Variants in GALNT13 observed in about 807,000 individuals in gnomAD.
GALNT13 encodes the protein polypeptide N-acetylgalactosaminyltransferase 13.
Under a neutral mutation model 64.2 loss-of-function variants are expected in GALNT13, and 28 were observed. The observed-to-expected ratio is 0.44, with a 90% CI of 0.32 to 0.60. GALNT13 has a LOEUF of 0.60. Among genes scored for constraint, GALNT13 ranks in the 20% least tolerant of loss-of-function variants. The probability of loss-of-function intolerance (pLI) is 0.05; values close to 1 mark genes in which losing one functional copy is unlikely to be tolerated. For synonymous variants in GALNT13, 214 were observed against 224.6 expected (o/e 0.95, Z 0.42); for missense variants, 577 against 669.8 (o/e 0.86, Z 1.53).
the GALNT13 span, among the ~76,000 whole-genome samples, chr2:153,365,759 G>T: frequency 1.3e-5 from 2 of 152,136 alleles, no homozygotes; most frequent in African/African-American, 4.8e-5. Flanking sequence ...TCCTAGCAAG[G>T]CTGTGGAGAA....
chr2:153,322,270 T>C, the GALNT13 span, among the ~76,000 whole-genome samples: 1 of 152,176 alleles, frequency 6.6e-6, no homozygotes, highest in Non-Finnish European at 1.5e-5. Context: ...AGTATTTGGT[T>C]TTCTGTTTCT....
the GALNT13 span, among the ~76,000 whole-genome samples, chr2:153,078,504 G>A: frequency 6.6e-6 from 1 of 151,782 alleles, no homozygotes; most frequent in Non-Finnish European, 1.5e-5. Context: ...TAGAGAAGGA[G>A]TTTCACCATG....
At chr2:153,724,179 A>C in the GALNT13 span, among the ~76,000 whole-genome samples, 1 of 142,666 alleles carries the variant, frequency 7.0e-6, no homozygotes. Context: ...ATCTTTGACA[A>C]ACCGGAGAAA....
At chr2:154,343,332 T>C (rs1695878543) in intron 9 of GALNT13, among the ~76,000 whole-genome samples, 2 of 152,038 alleles carry the variant, frequency 1.3e-5, no homozygotes, top group South Asian at 4.1e-4. Flanking sequence ...TTAGTAAATA[T>C]ATATATTTGC....
At chr2:153,667,462 G>T in the GALNT13 span, among the ~76,000 whole-genome samples, 32,012 of 152,066 alleles carry the variant, frequency 0.21, 4,179 homozygotes, top group Middle Eastern at 0.44. Context: ...AGAGATTGGA[G>T]GTCTATATTC....
intron 3 of GALNT13, among the ~76,000 whole-genome samples, chr2:154,007,983 G>A (rs748421734): frequency 6.7e-6 from 1 of 148,886 alleles, no homozygotes; most frequent in Admixed American, 6.6e-5. Context: ...CCCTCCGTCA[G>A]TGCCCCCCAA....
chr2:154,062,695 C>A lies in GALNT13; in HGVS notation c.143-77642C>A, dbSNP rs144505616. Among the ~76,000 whole-genome samples, 987 of 152,276 alleles carry A rather than the reference C, an allele frequency of 6.5e-3. 9 individuals are homozygous for A. Among genetic ancestry groups the A allele is most frequent in the African/African-American group, 0.022 (924 of 41,552 alleles). On this transcript the variant is annotated intron_variant, in intron 3 of 12. Transcript: ENST00000392825. ...CTCCCATGATCTAATCACCTCCCAC[C>A]AGGTCTGTCTCCCAGCGGAATTACA...
chr2:153,735,559 C>T, the GALNT13 span, among the ~76,000 whole-genome samples: 1,245 of 152,222 alleles, frequency 8.2e-3, 13 homozygotes, highest in African/African-American at 0.029. Context: ...ACCATAATTC[C>T]ACAGATCTTG....
chr2:154,119,661 G>A (rs368234079), intron 3 of GALNT13, among the ~76,000 whole-genome samples: 46 of 151,966 alleles, frequency 3.0e-4, no homozygotes, highest in African/African-American at 1.1e-3. Flanking sequence ...ATTTCAAATT[G>A]TCTGTTTTCC....
intron 9 of GALNT13, among the ~76,000 whole-genome samples, chr2:154,316,659 G>A (rs1694334463): frequency 6.6e-6 from 1 of 152,142 alleles, no homozygotes; most frequent in Non-Finnish European, 1.5e-5. Context: ...CCTTCTTGCT[G>A]CATCATAGCA....
intron 2 of GALNT13, among the ~76,000 whole-genome samples, chr2:153,906,442 G>A (rs1000779822): frequency 1.5e-5 from 2 of 133,702 alleles, no homozygotes; most frequent in Non-Finnish European, 1.5e-5. Context: ...TCCCCTTCCT[G>A]TGTCCATGTG....
intron 9 of GALNT13, among the ~76,000 whole-genome samples, chr2:154,311,842 G>A (rs887470001): frequency 1.3e-5 from 2 of 152,170 alleles, no homozygotes; most frequent in Non-Finnish European, 2.9e-5. Context: ...GGAATTCAGC[G>A]ATATTTCTCC....
At chr2:154,218,304 C>T (rs1246766537) in intron 4 of GALNT13, among the ~76,000 whole-genome samples, 2 of 152,048 alleles carry the variant, frequency 1.3e-5, no homozygotes, top group Non-Finnish European at 2.9e-5. Flanking sequence ...GTGACAGTAA[C>T]TACATTTCCT....
the GALNT13 span, among the ~76,000 whole-genome samples, chr2:153,618,103 G>T: frequency 6.6e-6 from 1 of 151,788 alleles, no homozygotes; most frequent in East Asian, 1.9e-4. Flanking sequence ...AGTTCTTTAA[G>T]ATATATTGTT....
chr2:154,055,212 A>G (rs1699835994), intron 3 of GALNT13, among the ~76,000 whole-genome samples: 1 of 152,058 alleles, frequency 6.6e-6, no homozygotes, highest in Non-Finnish European at 1.5e-5. Flanking sequence ...AGTTCTGTCT[A>G]TGAGAAGATA....
the GALNT13 span, among the ~76,000 whole-genome samples, chr2:153,082,851 CAG>C: frequency 6.9e-6 from 1 of 145,948 alleles, no homozygotes; most frequent in African/African-American, 2.6e-5. Flanking sequence ...TATTTTGAGA[CAG>C]AGTATCACCC....
the GALNT13 span, among the ~76,000 whole-genome samples, chr2:153,309,756 A>G: frequency 6.6e-6 from 1 of 152,194 alleles, no homozygotes; most frequent in African/African-American, 2.4e-5. Context: ...GAAATTACAT[A>G]TAGTATAATT....
At chr2:153,678,156 A>AATATATATATATATATATAT in the GALNT13 span, among the ~76,000 whole-genome samples, 83 of 145,612 alleles carry the variant, frequency 5.7e-4, no homozygotes, top group African/African-American at 2.0e-3. Flanking sequence ...CCGACAAATG[A>AATATATATATATATATATAT]ATATATATAT....
chr2:154,186,062 A>T (rs1686231928), intron 4 of GALNT13, among the ~76,000 whole-genome samples: 2 of 151,878 alleles, frequency 1.3e-5, no homozygotes, highest in Admixed American at 1.3e-4. Flanking sequence ...TCATCAGAGA[A>T]TTTTTTTTAC....
Sources: gnomAD v4.1 joint callset for allele counts (sites outside exome capture counted in the v4.1 genomes callset) on GRCh38, gnomAD v4.1.1 for gene constraint, MANE v1.5 for transcripts, NCBI Gene and HGNC (gene_info 2026-07-23, HGNC 2026-07-21) for gene names.